Variants in PRDM16 observed in about 807,000 individuals in gnomAD.
The protein encoded by PRDM16 is histone-lysine N-methyltransferase PRDM16.
In PRDM16, 23 loss-of-function variants were observed where a neutral mutation model predicts 110.6. The ratio of observed to expected loss-of-function variants is 0.21; its 90% CI spans 0.15 to 0.29. The LOEUF is 0.29. PRDM16 is among the 10% of genes least tolerant of loss of function. The pLI is 1.00. For missense variants in PRDM16, 1,615 were observed against 1,794.3 expected, an observed-to-expected ratio of 0.90 and a Z score of 1.81; for synonymous variants, 799 against 781.8, an observed-to-expected ratio of 1.02 and a Z score of -0.37.
In PRDM16 at chr1:3,080,758, G is replaced by A. The variant is rs1308290535; in HGVS notation, c.37+11462G>A. Among the ~76,000 whole-genome samples the A allele has an allele frequency of 2.6e-5, 4 of 152,248 alleles. No individual in the cohort carries two copies. The highest frequency in any genetic ancestry group is 3.9e-4 in the East Asian group (2 of 5,164). On this transcript the variant is annotated intron_variant, in intron 1 of 16. Transcript: ENST00000270722. The surrounding 1 kb of genome is among the most constrained non-coding windows in gnomAD (Gnocchi z 5.2). ...TTCTGTTCCGAGGAACATGTTGGGCGGTTTCTTCCGGGCCGGGGAAATCTG... is the reference window on the plus strand; with the variant it reads ...TTCTGTTCCGAGGAACATGTTGGGCAGTTTCTTCCGGGCCGGGGAAATCTG...
chr1:3,397,861 A>G (rs1643408806), intron 5 of PRDM16, among the ~76,000 whole-genome samples: 1 of 152,146 alleles, frequency 6.6e-6, no homozygotes, highest in South Asian at 2.1e-4. Context: ...CTCCGCCTTC[A>G]TTTACCCTTG....
At chr1:3,082,613 G>A (rs1473840234) in intron 1 of PRDM16, among the ~76,000 whole-genome samples, 5 of 152,234 alleles carry the variant, frequency 3.3e-5, no homozygotes, top group South Asian at 4.1e-4. Context: ...TCCATGCCTC[G>A]GCTGGGTCAG....
At chr1:3,404,304 G>A (rs539236037) in intron 6 of PRDM16, among the ~76,000 whole-genome samples, 11 of 152,308 alleles carry the variant, frequency 7.2e-5, no homozygotes, top group African/African-American at 1.2e-4. Flanking sequence ...CTGCGTCCTC[G>A]GTGTGTGCCC....
chr1:3,365,950 GCATGCACA>G (rs1642804526), intron 3 of PRDM16, among the ~76,000 whole-genome samples: 2 of 130,218 alleles, frequency 1.5e-5, no homozygotes, highest in Non-Finnish European at 3.1e-5. Flanking sequence ...AAACGCACAC[GCATGCACA>G]CATGCACACA....
chr1:3,351,630 C>G (rs1570118869), intron 3 of PRDM16, among the ~76,000 whole-genome samples: 1 of 26,422 alleles, frequency 3.8e-5, no homozygotes. Flanking sequence ...CTCTCTCCCC[C>G]TCCCTCTCTC....
At position 3,143,944 on chromosome 1, in the gene PRDM16, C is replaced by T. The variant is rs1486821405; in HGVS notation, c.38-42181C>T. 1.3e-5 allele frequency among the ~76,000 whole-genome samples: 2 copies of T among 152,212 alleles called. No homozygotes were observed. The highest frequency in any genetic ancestry group is 2.4e-5 in the African/African-American group (1 of 41,460). On this transcript the variant is annotated intron_variant, in intron 1 of 16. Transcript: ENST00000270722. The surrounding 1 kb of genome is among the most constrained non-coding windows in gnomAD (Gnocchi z 4.5). ...TGTGTTAGTCGTAGTGAAGGCTCCACAAGCACTTTTGAGGCCAGGGGGAAG... is the reference window on the plus strand; with the variant it reads ...TGTGTTAGTCGTAGTGAAGGCTCCATAAGCACTTTTGAGGCCAGGGGGAAG...
At chr1:3,282,500 G>A (rs939749882) in intron 3 of PRDM16, among the ~76,000 whole-genome samples, 7 of 152,186 alleles carry the variant, frequency 4.6e-5, no homozygotes, top group African/African-American at 1.7e-4. Context: ...TGTCCCAGCG[G>A]GCACTTAGCT....
At chr1:3,426,700 C>T (rs1638617863) in intron 14 of PRDM16, among the ~76,000 whole-genome samples, 1 of 152,200 alleles carries the variant, frequency 6.6e-6, no homozygotes, top group Non-Finnish European at 1.5e-5. Context: ...TTCACATGCA[C>T]ATATGCACAC....
At chr1:3,242,434 CG>C (rs1386375765) in intron 2 of PRDM16, among the ~76,000 whole-genome samples, 3 of 152,190 alleles carry the variant, frequency 2.0e-5, no homozygotes, top group Admixed American at 6.5e-5. Flanking sequence ...ACCACTGGGA[CG>C]GGGCATCCCT....
At chr1:3,260,522 A>G (rs997110714) in intron 3 of PRDM16, among the ~76,000 whole-genome samples, 1 of 151,932 alleles carries the variant, frequency 6.6e-6, no homozygotes, top group Non-Finnish European at 1.5e-5. Context: ...TGTGTAAAGC[A>G]AACTTAAAAT....
intron 3 of PRDM16, among the ~76,000 whole-genome samples, chr1:3,301,312 A>T (rs1641202089): frequency 7.2e-6 from 1 of 138,584 alleles, no homozygotes; most frequent in East Asian, 2.2e-4. Flanking sequence ...CAGCCTGGGC[A>T]ACAGAGCAAG....
rs114129573 is a variant in PRDM16, at chr1:3,293,894, C to A, written c.438+49757C>A. ...CAGGTGTCTGAGGGCCTGAAGGCACCCCCGTAATCCCAGCACACTCGTGGG... is the reference window on the plus strand; with the variant it reads ...CAGGTGTCTGAGGGCCTGAAGGCACACCCGTAATCCCAGCACACTCGTGGG... On this transcript the variant is annotated intron_variant, in intron 3 of 16. Coordinates refer to ENST00000270722, the MANE Select transcript of PRDM16 (RefSeq NM_022114.4). 7.9e-3 allele frequency among the ~76,000 whole-genome samples: 1,198 copies of A among 152,250 alleles called. 15 individuals are homozygous for A. The highest frequency in any genetic ancestry group is 0.027 in the African/African-American group (1,136 of 41,540).
At chr1:3,391,220 AC>A (rs1329783661) in intron 4 of PRDM16, among the ~76,000 whole-genome samples, 1 of 151,858 alleles carries the variant, frequency 6.6e-6, no homozygotes, top group Non-Finnish European at 1.5e-5. Context: ...GACACAGTTT[AC>A]CCCCTTGAAA....
chr1:3,413,997 T>G (rs976934958), intron 9 of PRDM16, among the ~76,000 whole-genome samples: 5 of 152,174 alleles, frequency 3.3e-5, no homozygotes, highest in Admixed American at 6.5e-5. Flanking sequence ...AGAAACCTGC[T>G]GGCCACTCAC....
intron 8 of PRDM16, among the ~76,000 whole-genome samples, chr1:3,409,855 T>TG (rs1643647729): frequency 1.2e-5 from 1 of 85,674 alleles, no homozygotes; most frequent in African/African-American, 8.2e-5. Flanking sequence ...TGGGTGTGTG[T>TG]GTGGTGTTTG....
chr1:3,211,084 G>A (rs1020749817), intron 2 of PRDM16, among the ~76,000 whole-genome samples: 1 of 152,180 alleles, frequency 6.6e-6, no homozygotes, highest in Non-Finnish European at 1.5e-5. Flanking sequence ...TACATTTGCT[G>A]ATCAATTCAC....
intron 2 of PRDM16, among the ~76,000 whole-genome samples, chr1:3,231,482 C>T (rs377508885): frequency 6.0e-5 from 6 of 100,430 alleles, no homozygotes; most frequent in East Asian, 7.7e-4. Flanking sequence ...CAGATGAGGG[C>T]GTCGAGGCTG....
chr1:3,170,342 C>T (rs937037355), intron 1 of PRDM16, among the ~76,000 whole-genome samples: 2 of 152,220 alleles, frequency 1.3e-5, no homozygotes, highest in African/African-American at 2.4e-5. Context: ...CTGTCCCAGG[C>T]TCTCTGGACC....
chr1:3,349,060 G>A (rs1642423396), intron 3 of PRDM16, among the ~76,000 whole-genome samples: 1 of 152,246 alleles, frequency 6.6e-6, no homozygotes, highest in Admixed American at 6.5e-5. Flanking sequence ...CGGAGAGGCT[G>A]GGGCTTTGTA....
Sources: allele counts gnomAD v4.1 joint callset (sites outside exome capture counted in the v4.1 genomes callset), GRCh38; gene constraint gnomAD v4.1.1; non-coding constraint Gnocchi (gnomAD v3.1); transcripts MANE v1.5; gene names NCBI Gene and HGNC (gene_info 2026-07-23, HGNC 2026-07-21).